Variants in PPP4R2 observed in about 807,000 individuals in gnomAD.
The protein encoded by PPP4R2 is protein phosphatase 4 regulatory subunit 2, also known as serine/threonine-protein phosphatase 4 regulatory subunit 2.
A neutral mutation model predicts 47.2 loss-of-function variants in PPP4R2; 13 were observed. That is an observed-to-expected ratio of 0.28 (90% CI 0.18 to 0.44). The LOEUF is 0.44. PPP4R2 is among the 20% of genes least tolerant of loss of function. The pLI is 1.00. For synonymous variants in PPP4R2, 151 were observed against 163.3 expected (o/e 0.92, Z 0.57); for missense variants, 421 against 491.2 (o/e 0.86, Z 1.35).
At chr3:73,025,246 T>A (rs566574227) in intron 2 of PPP4R2, among the ~76,000 whole-genome samples, 15 of 152,276 alleles carry the variant, frequency 9.9e-5, no homozygotes, top group South Asian at 4.1e-4. Flanking sequence ...ATTGGTAAAA[T>A]ATGTTAAAAT....
At chr3:73,042,304 T>TC (rs1388946877) in intron 2 of PPP4R2, among the ~76,000 whole-genome samples, 1 of 152,026 alleles carries the variant, frequency 6.6e-6, no homozygotes, top group Non-Finnish European at 1.5e-5. Context: ...ATTGTTTTTG[T>TC]TGCCAAGTTT....
chr3:73,028,401 C>T (rs1005648756), intron 2 of PPP4R2, among the ~76,000 whole-genome samples: 20 of 151,592 alleles, frequency 1.3e-4, no homozygotes, highest in African/African-American at 4.6e-4. Context: ...GACATTTGAT[C>T]GAGGCCCAAG....
chr3:73,057,839 C>T (rs1326080243), intron 3 of PPP4R2, among the ~76,000 whole-genome samples: 1 of 152,102 alleles, frequency 6.6e-6, no homozygotes, highest in Non-Finnish European at 1.5e-5. Flanking sequence ...TTTTAACTCA[C>T]TAACTACTAT....
chr3:73,062,566 C>T (rs771254868), intron 5 of PPP4R2: 3 of 1,613,938 alleles, frequency 1.9e-6, no homozygotes, highest in Non-Finnish European at 2.5e-6. Flanking sequence ...GAAAGGGGTA[C>T]TCCTTATGCT....
At position 73,035,275 on chromosome 3, in the gene PPP4R2, C is replaced by T. The variant is rs1702242276; in HGVS notation, c.117-11911C>T. On this transcript the variant is annotated intron_variant, in intron 2 of 8. Coordinates refer to ENST00000356692, the MANE Select transcript of PPP4R2 (RefSeq NM_174907.4). ...ACAAGCCAGGCATGGTGGCACACAC[C>T]TGTAGTCCCAGCTACTCGGGAAGCT... 1.3e-5 allele frequency among the ~76,000 whole-genome samples: 2 copies of T among 152,134 alleles called. 1 individual carries two copies. The highest frequency in any genetic ancestry group is 4.8e-5 in the African/African-American group (2 of 41,442).
At chr3:73,018,859 A>G (rs1404371797) in intron 2 of PPP4R2, among the ~76,000 whole-genome samples, 2 of 152,126 alleles carry the variant, frequency 1.3e-5, no homozygotes, top group Non-Finnish European at 1.5e-5. Flanking sequence ...TCCTTTTCTC[A>G]ATAAAAACTG....
chr3:73,034,634 G>A (rs1006155075), intron 2 of PPP4R2, among the ~76,000 whole-genome samples: 2 of 152,114 alleles, frequency 1.3e-5, no homozygotes, highest in Admixed American at 6.5e-5. Context: ...CTGGGTTCAA[G>A]CAATCCTCCT....
At chr3:73,001,650 T>A (rs763673388) in intron 2 of PPP4R2, among the ~76,000 whole-genome samples, 2 of 152,202 alleles carry the variant, frequency 1.3e-5, no homozygotes, top group African/African-American at 2.4e-5. Context: ...TCTTTTTTTT[T>A]ATTTTTTTGA....
At chr3:73,057,208 T>C (rs1575885269) in intron 3 of PPP4R2, among the ~76,000 whole-genome samples, 1 of 152,070 alleles carries the variant, frequency 6.6e-6, no homozygotes, top group East Asian at 1.9e-4. Context: ...TTGTTATACA[T>C]GTGGAAAATG....
At chr3:73,024,276 GA>G (rs1559554124) in intron 2 of PPP4R2, among the ~76,000 whole-genome samples, 1 of 152,046 alleles carries the variant, frequency 6.6e-6, no homozygotes, top group Non-Finnish European at 1.5e-5. Flanking sequence ...GGGTAGAAAG[GA>G]AAATTTATCA....
intron 3 of PPP4R2, among the ~76,000 whole-genome samples, chr3:73,048,993 G>C (rs1317766432): frequency 1.3e-5 from 2 of 152,066 alleles, no homozygotes; most frequent in Non-Finnish European, 2.9e-5. Context: ...GCCTGGGATG[G>C]GAAGGAGACC....
chr3:73,051,787 G>T (rs533219934), intron 3 of PPP4R2, among the ~76,000 whole-genome samples: 3 of 151,988 alleles, frequency 2.0e-5, no homozygotes, highest in Non-Finnish European at 4.4e-5. Context: ...CACCACGCCC[G>T]GCTAATTTTT....
In PPP4R2 at chr3:73,067,058, A is replaced by G. The variant is rs981930786; in HGVS notation, c.*1336A>G. On this transcript the variant is annotated 3_prime_UTR_variant, in exon 9 of 9. Transcript: ENST00000356692. Reference sequence around the variant, plus strand: ...ATTTAAAGTTTTTAAATTTCTGTAAAGTAGATTTTGTAGAATGTAATGTGT... The same window carrying G: ...ATTTAAAGTTTTTAAATTTCTGTAAGGTAGATTTTGTAGAATGTAATGTGT... 1.3e-5 allele frequency: 2 copies of G among 152,080 alleles called. No individual in the cohort carries two copies. The highest frequency in any genetic ancestry group is 2.9e-5 in the Non-Finnish European group (2 of 67,966). The allele number at this position is 152,080 out of a possible 1,614,324, so 9.4% of individuals were successfully genotyped here.
intron 2 of PPP4R2, among the ~76,000 whole-genome samples, chr3:73,043,674 TAATA>T (rs1174485002): frequency 6.6e-6 from 1 of 152,352 alleles, no homozygotes; most frequent in South Asian, 2.1e-4. Flanking sequence ...TGCATTTCTC[TAATA>T]GATAATAATG....
intron 2 of PPP4R2, among the ~76,000 whole-genome samples, chr3:73,005,001 A>G (rs1701574413): frequency 7.0e-6 from 1 of 142,016 alleles, no homozygotes; most frequent in African/African-American, 2.6e-5. Flanking sequence ...TTTGAGTCGG[A>G]GTCTTGCTCT....
rs766883979 is a variant in PPP4R2 at position 73,065,483 on chromosome 3, A to G, written c.1015A>G (p.Thr339Ala). The G allele has an allele frequency of 3.1e-6, 5 of 1,611,832 alleles. No homozygotes were observed. Among genetic ancestry groups the G allele is most frequent in the Admixed American group, 1.7e-5 (1 of 60,012 alleles). ...TGATGCCTTAACTGTGAATGAAGAG[A>G]CTTCTGAGGAAAATAATCAAATGGA... The part of the protein sequence containing the change: ...SDDALTVNEE[T>A]SEENNQMEES... The change falls in exon 9 of 9, where the codon ACT (threonine) becomes GCT (alanine). Residue 339 changes from threonine (T) to alanine (A), a missense_variant. By Grantham distance (58) the Thr-to-Ala change is moderately conservative. Around this residue, in one of 2 missense-constraint regions of PPP4R2, gnomAD observed 317 missense variants for 287.5 expected, o/e 1.10. Transcript: ENST00000356692.
chr3:73,036,355 A>G (rs981681791), intron 2 of PPP4R2, among the ~76,000 whole-genome samples: 12 of 152,214 alleles, frequency 7.9e-5, no homozygotes, highest in African/African-American at 2.9e-4. Flanking sequence ...ACTATAGTTA[A>G]CAATTTATTG....
intron 3 of PPP4R2, among the ~76,000 whole-genome samples, chr3:73,047,944 T>C (rs1702519356): frequency 6.6e-6 from 1 of 152,248 alleles, no homozygotes; most frequent in South Asian, 2.1e-4. Flanking sequence ...TGGCGTGATC[T>C]TGGCTCGCTG....
At chr3:73,038,008 A>G (rs1053324955) in intron 2 of PPP4R2, among the ~76,000 whole-genome samples, 1 of 152,084 alleles carries the variant, frequency 6.6e-6, no homozygotes, top group Non-Finnish European at 1.5e-5. Context: ...GTTAGGGCTG[A>G]GTTGGTAGAA....
Sources: gnomAD v4.1 joint callset for allele counts (sites outside exome capture counted in the v4.1 genomes callset) on GRCh38, gnomAD v4.1.1 for gene constraint, gnomAD v4.1.1 regional missense constraint, MANE v1.5 for transcripts, NCBI Gene and HGNC (gene_info 2026-07-23, HGNC 2026-07-21) for gene names.